EYS: variants seen among roughly 807,000 people sequenced by gnomAD.
EYS encodes protein eyes shut homolog.
In EYS, 250 loss-of-function variants were observed where a neutral mutation model predicts 282.1. The ratio of observed to expected loss-of-function variants is 0.89; its 90% CI spans 0.80 to 0.98. The LOEUF is 0.98. Among genes scored for constraint, EYS ranks in the 50% least tolerant of loss-of-function variants. The probability of loss-of-function intolerance (pLI) is 0.00; values close to 1 mark genes in which losing one functional copy is unlikely to be tolerated. For missense variants in EYS, 4,016 were observed against 3,709.0 expected (o/e 1.08, Z -2.15); for synonymous variants, 1,355 against 1,282.9 (o/e 1.06, Z -1.20).
At chr6:64,686,803 ATG>A (rs372517498) in intron 22 of EYS, among the ~76,000 whole-genome samples, 8 of 47,782 alleles carry the variant, frequency 1.7e-4, no homozygotes, top group Non-Finnish European at 2.3e-4. Flanking sequence ...GTATATATAT[ATG>A]TGTGTATATA....
intron 31 of EYS, among the ~76,000 whole-genome samples, chr6:64,093,886 T>C (rs1582258862): frequency 6.6e-6 from 1 of 152,200 alleles, no homozygotes; most frequent in Non-Finnish European, 1.5e-5. Flanking sequence ...ATATTGGCTG[T>C]GGATTTGTCA....
intron 12 of EYS, among the ~76,000 whole-genome samples, chr6:65,245,165 T>G (rs1767149189): frequency 1.3e-5 from 2 of 152,188 alleles, no homozygotes; most frequent in Admixed American, 1.3e-4. Context: ...GTTGCTAAAA[T>G]GTGGACTTAA....
chr6:65,271,864 G>A (rs768672506), intron 12 of EYS, among the ~76,000 whole-genome samples: 7 of 152,102 alleles, frequency 4.6e-5, no homozygotes, highest in Non-Finnish European at 8.8e-5. Context: ...AATTGCAGGC[G>A]TGAGCCACTG....
chr6:64,393,494 T>G (rs1393021158), intron 28 of EYS, among the ~76,000 whole-genome samples: 1 of 152,128 alleles, frequency 6.6e-6, no homozygotes, highest in East Asian at 1.9e-4. Context: ...AATCAATAAA[T>G]GTAATCCAGC....
chr6:65,272,239 A>T (rs1229822461), intron 12 of EYS, among the ~76,000 whole-genome samples: 1 of 152,300 alleles, frequency 6.6e-6, no homozygotes, highest in Non-Finnish European at 1.5e-5. Flanking sequence ...CTATTTATTT[A>T]TCTCTATTGC....
intron 29 of EYS, among the ~76,000 whole-genome samples, chr6:64,338,336 C>T (rs1031149752): frequency 6.6e-6 from 1 of 151,622 alleles, no homozygotes; most frequent in Non-Finnish European, 1.5e-5. Context: ...ACACCAACAG[C>T]GACCAAGCAA....
chr6:65,314,503 AATCC>A (rs1267350608), intron 11 of EYS, among the ~76,000 whole-genome samples: 2 of 139,862 alleles, frequency 1.4e-5, no homozygotes, highest in African/African-American at 5.4e-5. Flanking sequence ...TGTCTTCATC[AATCC>A]TTAAAGGTTC....
chr6:64,112,793 A>T (rs1417165657), intron 31 of EYS, among the ~76,000 whole-genome samples: 1 of 149,602 alleles, frequency 6.7e-6, no homozygotes, highest in South Asian at 2.1e-4. Flanking sequence ...TATATCTATA[A>T]TATCTATATA....
chr6:65,579,117 A>C (rs1764782636), intron 2 of EYS, among the ~76,000 whole-genome samples: 1 of 152,172 alleles, frequency 6.6e-6, no homozygotes, highest in Non-Finnish European at 1.5e-5. Flanking sequence ...TTGACTAATG[A>C]GAAACTTTTG....
chr6:63,802,726 T>C (rs1014486451), intron 37 of EYS, among the ~76,000 whole-genome samples: 4 of 151,764 alleles, frequency 2.6e-5, no homozygotes, highest in Non-Finnish European at 5.9e-5. Flanking sequence ...CATAAATATG[T>C]ACAATTATTG....
intron 30 of EYS, among the ~76,000 whole-genome samples, chr6:64,246,247 TC>T (rs1767017817): frequency 6.6e-6 from 1 of 151,886 alleles, no homozygotes; most frequent in Admixed American, 6.6e-5. Context: ...AGAATTTTTA[TC>T]TTGGCTTATA....
rs998336966 is a variant in EYS at position 63,862,873 on chromosome 6, C to T, written c.7228+1313G>A. 1.3e-5 allele frequency among the ~76,000 whole-genome samples: 2 copies of T among 152,312 alleles called. 1 individual carries two copies. The highest frequency in any genetic ancestry group is 4.8e-5 in the African/African-American group (2 of 41,586). ...AAATTCTTAGTACTTCTTAACTCTT[C>T]CCCTCTTAAGTCATTCTGTCTTTCA... On this transcript the variant is annotated intron_variant, in intron 36 of 42. Transcript: ENST00000503581.
At chr6:65,529,271 G>A (rs1261506751) in intron 2 of EYS, among the ~76,000 whole-genome samples, 1 of 152,126 alleles carries the variant, frequency 6.6e-6, no homozygotes, top group Non-Finnish European at 1.5e-5. Context: ...GCTTTTGGAT[G>A]CTTACTTCCT....
At chr6:64,252,301 G>A (rs142739782) in intron 30 of EYS, among the ~76,000 whole-genome samples, 1,532 of 152,060 alleles carry the variant, frequency 0.01, 10 homozygotes, top group Non-Finnish European at 0.016. Context: ...AAACCTGAGC[G>A]TAATCCTTTT....
chr6:65,531,460 A>C (rs918391651), intron 2 of EYS, among the ~76,000 whole-genome samples: 1 of 152,204 alleles, frequency 6.6e-6, no homozygotes, highest in South Asian at 2.1e-4. Flanking sequence ...AAGAAGATAC[A>C]GTGTGGCCTC....
chr6:65,058,254 A>T (rs1393728383), intron 12 of EYS, among the ~76,000 whole-genome samples: 2 of 151,950 alleles, frequency 1.3e-5, no homozygotes, highest in African/African-American at 4.8e-5. Flanking sequence ...GGGTTCAAGA[A>T]ATTATCCAGT....
At chr6:64,020,167 T>C (rs1769119996) in intron 33 of EYS, among the ~76,000 whole-genome samples, 1 of 152,086 alleles carries the variant, frequency 6.6e-6, no homozygotes, top group Admixed American at 6.5e-5. Context: ...AGGGTGACTA[T>C]AGTTAACAAC....
At chr6:65,266,459 A>G (rs1243225610) in intron 12 of EYS, among the ~76,000 whole-genome samples, 3 of 151,918 alleles carry the variant, frequency 2.0e-5, no homozygotes, top group Non-Finnish European at 4.4e-5. Flanking sequence ...GCTACTTTAC[A>G]AAGATTTGTT....
intron 26 of EYS, among the ~76,000 whole-genome samples, chr6:64,491,436 C>T (rs1056953869): frequency 6.6e-6 from 1 of 150,870 alleles, no homozygotes; most frequent in Non-Finnish European, 1.5e-5. Context: ...TTCTAATAGA[C>T]ATTTTCAAAT....
Sources: allele counts gnomAD v4.1 joint callset (sites outside exome capture counted in the v4.1 genomes callset), GRCh38; gene constraint gnomAD v4.1.1; transcripts MANE v1.5; gene names NCBI Gene and HGNC (gene_info 2026-07-23, HGNC 2026-07-21).